Variants in TMEM260 observed in about 807,000 individuals in gnomAD.
TMEM260 encodes the protein protein O-mannosyl-transferase TMEM260.
In TMEM260, 82 loss-of-function variants were observed where a neutral mutation model predicts 88.9. The observed-to-expected ratio is 0.92, with a 90% CI of 0.77 to 1.11. The LOEUF is 1.11. TMEM260 is among the 50% of genes least tolerant of loss of function. TMEM260 has a pLI of 0.00. For missense variants in TMEM260, 902 were observed against 853.4 expected (o/e 1.06, Z -0.71); for synonymous variants, 314 against 309.3 (o/e 1.02, Z -0.16).
intron 15 of TMEM260, among the ~76,000 whole-genome samples, chr14:56,643,167 G>A (rs1418629694): frequency 1.3e-5 from 2 of 152,170 alleles, no homozygotes; most frequent in Non-Finnish European, 2.9e-5. Context: ...ATTTTATGAG[G>A]CCAGCATCAT....
At chr14:56,602,214 A>G (rs190697308) in intron 3 of TMEM260, among the ~76,000 whole-genome samples, 1 of 152,314 alleles carries the variant, frequency 6.6e-6, no homozygotes, top group East Asian at 1.9e-4. Flanking sequence ...AGAATGGGCT[A>G]AAAACCTAGG....
At chr14:56,580,123 G>T (rs1218207580) in intron 1 of TMEM260, 49 bp downstream of exon 1, 2 of 1,241,718 alleles carry the variant, frequency 1.6e-6, no homozygotes, top group Non-Finnish European at 2.0e-6. Flanking sequence ...CCTGGTCCCA[G>T]AACGGGCAGG....
At chr14:56,616,286 A>G (rs1374398140) in intron 8 of TMEM260, 3 of 322,152 alleles carry the variant, frequency 9.3e-6, no homozygotes, top group Non-Finnish European at 1.7e-5. Context: ...TTGATCCCTT[A>G]ACTCTGCTAT....
At chr14:56,584,093 G>T (rs1008101361) in intron 1 of TMEM260, among the ~76,000 whole-genome samples, 1 of 151,850 alleles carries the variant, frequency 6.6e-6, no homozygotes, top group African/African-American at 2.4e-5. Context: ...AAGATGAATT[G>T]AAGTAGGATT....
rs1295153587 is a variant in TMEM260, at chr14:56,579,817, C to T, written c.-98C>T. ...AGGCTCGACCCGGAAGCCGCCGTGG[C>T]CGCCGCACAAGCTGCGCTCGTCTCT... On this transcript the variant is annotated 5_prime_UTR_variant, in exon 1 of 16. Coordinates refer to ENST00000261556, the MANE Select transcript of TMEM260 (RefSeq NM_017799.4). The T allele has an allele frequency of 3.4e-6, 4 of 1,170,082 alleles. No individual in the cohort carries two copies. The highest frequency in any genetic ancestry group is 8.8e-5 in the South Asian group (2 of 22,856). 72.5% of individuals were successfully genotyped at this position (1,170,082 alleles called of 1,614,324 possible).
At chr14:56,607,324 T>C (rs1333460213) in intron 5 of TMEM260, among the ~76,000 whole-genome samples, 2 of 152,216 alleles carry the variant, frequency 1.3e-5, no homozygotes, top group Non-Finnish European at 2.9e-5. Context: ...GCATATACTT[T>C]CTGTAAAACA....
At chr14:56,642,140 G>C (rs893648253) in intron 15 of TMEM260, among the ~76,000 whole-genome samples, 4 of 152,090 alleles carry the variant, frequency 2.6e-5, no homozygotes, top group African/African-American at 7.2e-5. Context: ...ATTGAACTCA[G>C]CTCTGCACGA....
At chr14:56,659,305 C>G in the TMEM260 span, among the ~76,000 whole-genome samples, 8 of 151,046 alleles carry the variant, frequency 5.3e-5, no homozygotes, top group African/African-American at 1.9e-4. Context: ...CTCCTTTTCC[C>G]CCTTTACTCC....
intron 13 of TMEM260, 23 bp from the exon 14 acceptor site, chr14:56,634,876 T>A (rs559358245): frequency 2.5e-6 from 4 of 1,604,122 alleles, no homozygotes; most frequent in Non-Finnish European, 3.4e-6. Context: ...CAGAAAGATA[T>A]TACTGTTTTC....
At chr14:56,595,106 A>G (rs1394678277) in intron 3 of TMEM260, among the ~76,000 whole-genome samples, 8 of 152,246 alleles carry the variant, frequency 5.3e-5, no homozygotes, top group Non-Finnish European at 1.5e-5. Context: ...CTGTAAACTC[A>G]TAGGAAAATT....
intron 6 of TMEM260, among the ~76,000 whole-genome samples, chr14:56,610,722 G>A (rs867646402): frequency 6.6e-6 from 1 of 151,652 alleles, no homozygotes; most frequent in African/African-American, 2.4e-5. Context: ...TAATTATTTT[G>A]GTTATTCCAG....
intron 15 of TMEM260, among the ~76,000 whole-genome samples, chr14:56,639,030 G>A (rs1889354433): frequency 6.6e-6 from 1 of 152,156 alleles, no homozygotes; most frequent in Admixed American, 6.5e-5. Context: ...GAAAAAGGTA[G>A]CACAGTTGTC....
chr14:56,603,921 C>A lies in TMEM260; in HGVS notation c.451C>A (p.Leu151Ile). Residue 151 changes from leucine to isoleucine, a missense_variant, in exon 4 of 16, where the codon CTC becomes ATC. Transcript: ENST00000261556. ...AGCAGAGGTTTTTAGCTTAAACAAT[C>A]TCTTTGTGGGGCTGCTTATGGCTCT... ...IAAEVFSLNN[L>I]FVGLLMALTV... is the part of the protein sequence containing the mutation. The A allele has an allele frequency of 6.2e-7, 1 of 1,613,472 alleles. No homozygotes were observed. The highest frequency in any genetic ancestry group is 8.5e-7 in the Non-Finnish European group (1 of 1,179,740).
rs79511929 is a variant in TMEM260, at chr14:56,632,248, C to T, written c.1548-747C>T. On this transcript the variant is annotated intron_variant, in intron 12 of 15. Coordinates refer to ENST00000261556, the MANE Select transcript of TMEM260 (RefSeq NM_017799.4). The stretch of plus-strand genomic sequence containing the variant: ...AGAAAGCTGGGGCTTTAATTTCTTT[C>T]TTCTGCTGTGCCCTTCCTGTGACTG... 2.7e-3 allele frequency among the ~76,000 whole-genome samples: 413 copies of T among 152,312 alleles called. 3 individuals are homozygous for T. Among genetic ancestry groups the T allele is most frequent in the African/African-American group, 9.6e-3 (398 of 41,576 alleles).
At position 56,618,738 on chromosome 14, in the gene TMEM260, G is replaced by A; in HGVS notation, c.1201G>A (p.Val401Ile). 1 of 1,614,144 alleles carries A rather than the reference G, an allele frequency of 6.2e-7. No individual in the cohort carries two copies. Among genetic ancestry groups the A allele is most frequent in the Non-Finnish European group, 8.5e-7 (1 of 1,180,024 alleles). Reference sequence around the variant, plus strand: ...ATGGCTTTCTGCAACTCTTTTTGTAGTTTACCAAATATATTCTAATTACAG... The same window carrying A: ...ATGGCTTTCTGCAACTCTTTTTGTAATTTACCAAATATATTCTAATTACAG... ...LEWLSATLFV[V>I]YQIYSNYSVC... Residue 401 changes from valine to isoleucine, a missense_variant, in exon 10 of 16, where the codon GTT becomes ATT. Val to Ile is a conservative substitution (Grantham distance 29). Coordinates refer to ENST00000261556, the MANE Select transcript of TMEM260 (RefSeq NM_017799.4).
Position 56,633,321 on chromosome 14 carries a change from G to A in TMEM260, c.1724+150G>A, listed in dbSNP as rs1401050791. On this transcript the variant is annotated intron_variant, in intron 13 of 15. Coordinates refer to ENST00000261556, the MANE Select transcript of TMEM260 (RefSeq NM_017799.4). Reference sequence around the variant, plus strand: ...ACCCACAAAATACCATAAAACAACAGAAAGAGAACATGTCCTTCTCGTTCT... The same window carrying A: ...ACCCACAAAATACCATAAAACAACAAAAAGAGAACATGTCCTTCTCGTTCT... 6.7e-6 allele frequency: 4 copies of A among 593,540 alleles called. No homozygotes were observed. The African/African-American group carries it at 7.5e-5, about 11-fold the overall frequency. The allele number at this position is 593,540 out of a possible 1,614,324, so 36.8% of individuals were successfully genotyped here.
intron 15 of TMEM260, among the ~76,000 whole-genome samples, chr14:56,639,873 A>C (rs1889436774): frequency 6.6e-6 from 1 of 152,128 alleles, no homozygotes; most frequent in Non-Finnish European, 1.5e-5. Context: ...TGCCCACAGA[A>C]CCTCACTCAT....
chr14:56,599,479 G>A (rs1886437867), intron 3 of TMEM260, among the ~76,000 whole-genome samples: 1 of 151,990 alleles, frequency 6.6e-6, no homozygotes, highest in African/African-American at 2.4e-5. Flanking sequence ...TTGAGCTGTG[G>A]AATTTTTCCA....
At chr14:56,634,266 G>C (rs921162410) in intron 13 of TMEM260, among the ~76,000 whole-genome samples, 1 of 152,120 alleles carries the variant, frequency 6.6e-6, no homozygotes, top group Non-Finnish European at 1.5e-5. Flanking sequence ...TCCATAGAGT[G>C]ACCTACACCT....
Sources: gnomAD v4.1 joint callset for allele counts (sites outside exome capture counted in the v4.1 genomes callset) on GRCh38, gnomAD v4.1.1 for gene constraint, MANE v1.5 for transcripts, NCBI Gene and HGNC (gene_info 2026-07-23, HGNC 2026-07-21) for gene names.